The following GAS2L1 variants were observed in gnomAD, a reference collection of about 807,000 sequenced individuals.
The protein encoded by GAS2L1 is GAS2-like protein 1.
In GAS2L1, 26 loss-of-function variants were observed where a neutral mutation model predicts 44.0. That is an observed-to-expected ratio of 0.59 (90% CI 0.43 to 0.82). GAS2L1 has a LOEUF of 0.82. Ranked by LOEUF, GAS2L1 falls within the 40% of genes least tolerant of loss-of-function variation. GAS2L1 has a pLI of 0.00. For missense variants in GAS2L1, 1,006 were observed against 983.0 expected, an observed-to-expected ratio of 1.02 and a Z score of -0.31; for synonymous variants, 426 against 415.9, an observed-to-expected ratio of 1.02 and a Z score of -0.30.
intron 1 of GAS2L1, among the ~76,000 whole-genome samples, chr22:29,309,930 T>A (rs1193662575): frequency 6.6e-6 from 1 of 152,006 alleles, no homozygotes; most frequent in Non-Finnish European, 1.5e-5. Context: ...CCTGGGCAGC[T>A]CCCTGGACCC....
At chr22:29,311,265 ACTT>A (rs775635623) in intron 4 of GAS2L1, 194 bp from the exon 6 acceptor site, 40 of 573,738 alleles carry the variant, frequency 7.0e-5, no homozygotes, top group Non-Finnish European at 9.2e-5. Context: ...AGCCCAGGAA[ACTT>A]CTTCTTCCGT....
At chr22:29,312,017 A>G (rs1354077388) in exon 5 of GAS2L1, 1 of 1,612,118 alleles carries the variant, frequency 6.2e-7, no homozygotes, top group Non-Finnish European at 8.5e-7. Context: ...GGCGCCTGGA[A>G]GAGGAGTTCC....
At chr22:29,308,142 G>C in exon 1 of GAS2L1, 1 of 1,574,616 alleles carries the variant, frequency 6.4e-7, no homozygotes, top group Non-Finnish European at 8.7e-7. Flanking sequence ...GGGCTCGGCG[G>C]CCAAGAGCGT....
intron 4 of GAS2L1, 122 bp downstream of exon 5, chr22:29,311,120 G>T (rs2061400731): frequency 4.1e-6 from 4 of 970,332 alleles, no homozygotes; most frequent in Non-Finnish European, 6.0e-6. Flanking sequence ...TCCCGTGGGT[G>T]GGGGCGGGCC....
chr22:29,310,970 A>C, exon 4 of GAS2L1: 1 of 1,613,456 alleles, frequency 6.2e-7, no homozygotes, highest in Middle Eastern at 1.7e-4. Context: ...CTTACGAAGC[A>C]CAAAGGAGGG....
At chr22:29,310,464 C>A (rs1397510897) in exon 2 of GAS2L1, 1 of 1,608,666 alleles carries the variant, frequency 6.2e-7, no homozygotes, top group African/African-American at 1.3e-5. Flanking sequence ...GGCCGCTGCA[C>A]CTGCCCTGAC....
At chr22:29,311,649 G>T (rs1602654389) in exon 5 of GAS2L1, 2 of 1,531,706 alleles carry the variant, frequency 1.3e-6, no homozygotes, top group Non-Finnish European at 1.7e-6. Flanking sequence ...ACGGCCTCCT[G>T]CCCTGCGCAG....
At chr22:29,311,584 C>G in exon 5 of GAS2L1, 2 of 1,541,262 alleles carry the variant, frequency 1.3e-6, no homozygotes, top group Non-Finnish European at 1.7e-6. Context: ...GGCACTGGCC[C>G]CCGGAGGGAG....
At chr22:29,309,765 C>A (rs2061383961) in intron 1 of GAS2L1, among the ~76,000 whole-genome samples, 2 of 152,068 alleles carry the variant, frequency 1.3e-5, no homozygotes, top group Admixed American at 6.5e-5. Context: ...TGTCCTGTAG[C>A]CTGCCTGGCC....
chr22:29,312,365 A>G (rs749417627), exon 5 of GAS2L1: 40 of 1,603,534 alleles, frequency 2.5e-5, no homozygotes, highest in Non-Finnish European at 3.2e-5. Context: ...GGATGGACAC[A>G]CAGCCAGACC....
At chr22:29,308,880 G>A in intron 1 of GAS2L1, 142 bp downstream of exon 2, 1 of 646,110 alleles carries the variant, frequency 1.5e-6, no homozygotes, top group Non-Finnish European at 2.4e-6. Context: ...GCACCAAACC[G>A]AGGAATGTAT....
upstream of GAS2L1, chr22:29,306,749 C>A (rs2061353218): frequency 6.6e-6 from 1 of 152,262 alleles, no homozygotes; most frequent in African/African-American, 2.4e-5. Flanking sequence ...GTCCCAACCT[C>A]CTCCCCAGGA....
In GAS2L1 at chr22:29,311,726, G is replaced by A. The variant is rs752933877; in HGVS notation, c.1275G>A (p.Leu425=). 6.5e-6 allele frequency: 10 copies of A among 1,531,760 alleles called. No homozygotes were observed. In the African/African-American group the frequency reaches 1.2e-4, roughly 19 times the overall value. The allele number at this position is 1,531,760 out of a possible 1,614,324, so 94.9% of individuals were successfully genotyped here. A position where few individuals can be genotyped will look rare whatever the true frequency, so the allele number is the denominator to read the frequency against. The change falls in exon 5 of 5, where the codon CTG becomes CTA. Residue 425 remains leucine, a synonymous_variant. Transcript: ENST00000618518. ...CCCCAGGAGGCAGGGGAGCCCAGCT[G>A]TCGGTCCCCAGCCCTGCCCGGCGGG...
chr22:29,306,983 C>G (rs1269720688), upstream of GAS2L1: 2 of 152,186 alleles, frequency 1.3e-5, no homozygotes, highest in Non-Finnish European at 2.9e-5. Flanking sequence ...CCCGCCCGCC[C>G]CCTCCGGGCA....
At chr22:29,308,513 G>A (rs1020177406) in exon 1 of GAS2L1, 3 of 1,608,526 alleles carry the variant, frequency 1.9e-6, no homozygotes, top group African/African-American at 2.7e-5. Context: ...AGAAGAGCGT[G>A]GTGCTGTGCC....
Position 29,308,084 on chromosome 22 carries a change from C to T in GAS2L1, c.-22C>T, listed in dbSNP as rs774925437. On this transcript the variant is annotated 5_prime_UTR_variant, in exon 1 of 5. Coordinates refer to ENST00000618518, the Ensembl canonical transcript of GAS2L1. ...CGATCCTGAACTGTGTTCCTGCCCACAGTGACTCGGCCGGTCCGGGCATGG... is the reference window on the plus strand; with the variant it reads ...CGATCCTGAACTGTGTTCCTGCCCATAGTGACTCGGCCGGTCCGGGCATGG... 1.4e-5 allele frequency: 21 copies of T among 1,527,400 alleles called. No individual in the cohort carries two copies. The East Asian group carries it at 3.7e-4, about 27-fold the overall frequency. The allele number at this position is 1,527,400 out of a possible 1,614,324, so 94.6% of individuals were successfully genotyped here.
chr22:29,312,567 C>G, exon 5 of GAS2L1: 1 of 1,197,730 alleles, frequency 8.3e-7, no homozygotes, highest in Non-Finnish European at 1.1e-6. Flanking sequence ...CCTTCTGCAT[C>G]AGGGAGCCCC....
At chr22:29,311,038 TG>T (rs746450559) in intron 4 of GAS2L1, 40 bp downstream of exon 5, 16 of 1,571,546 alleles carry the variant, frequency 1.0e-5, no homozygotes, top group South Asian at 2.3e-5. Flanking sequence ...GTCCAGAGGG[TG>T]GGGGGGCGTC....
At chr22:29,307,401 C>T (rs1262903019) in exon 1 of GAS2L1, 1 of 152,382 alleles carries the variant, frequency 6.6e-6, no homozygotes, top group East Asian at 1.9e-4. Context: ...CTGGCCCTGG[C>T]CCCGGATCGC....
Sources: gnomAD v4.1 joint callset for allele counts (sites outside exome capture counted in the v4.1 genomes callset) on GRCh38, gnomAD v4.1.1 for gene constraint, MANE v1.5 for transcripts, NCBI Gene and HGNC (gene_info 2026-07-23, HGNC 2026-07-21) for gene names.